The following PGAM5 variants were observed in gnomAD, a reference collection of about 807,000 sequenced individuals.
PGAM5 encodes PGAM family member 5, mitochondrial serine/threonine protein phosphatase.
Under a neutral mutation model 30.6 loss-of-function variants are expected in PGAM5, and 25 were observed. The observed-to-expected ratio is 0.82, with a 90% CI of 0.60 to 1.14. PGAM5 has a LOEUF of 1.14. Among genes scored for constraint, PGAM5 ranks in the 50% most tolerant of loss-of-function variants. The pLI is 0.00. For missense variants in PGAM5, 384 were observed against 408.5 expected (o/e 0.94, Z 0.52); for synonymous variants, 201 against 179.1 (o/e 1.12, Z -0.98).
rs754270868 is a variant in PGAM5 at position 132,718,787 on chromosome 12, G to C, written c.719+667G>C. ...CATCCCGCCGCTGTTGTCCGCTGGG[G>C]ATTTTGTGCTTCTGGGGTCCTGACC... is the stretch of plus-strand genomic sequence containing the variant. On this transcript the variant is annotated intron_variant, in intron 5 of 5. Transcript: ENST00000498926. 9.9e-6 allele frequency: 16 copies of C among 1,613,644 alleles called. No individual in the cohort carries two copies. The East Asian group carries it at 3.3e-4, about 34-fold the overall frequency.
At position 132,710,973 on chromosome 12, in the gene PGAM5, G is replaced by T; in HGVS notation, c.97G>T (p.Ala33Ser). 8.4e-7 allele frequency: 1 copy of T among 1,192,234 alleles called. No individual in the cohort carries two copies. Among genetic ancestry groups the T allele is most frequent in the Non-Finnish European group, 1.0e-6 (1 of 963,078 alleles). 73.9% of individuals were successfully genotyped at this position (1,192,234 alleles called of 1,614,324 possible). Residue 33 changes from alanine to serine, a missense_variant, in exon 1 of 6, where the codon GCA becomes TCA. By Grantham distance (99) the Ala-to-Ser change is moderately conservative (BLOSUM62 1). Transcript: ENST00000498926. ...FSAVAVGKPR[A>S]GGDAEPRPAE... Reference sequence around the variant, plus strand: ...GGCCGTGGCGGTAGGGAAGCCGCGCGCAGGCGGGGACGCGGAGCCACGCCC... The same window carrying T: ...GGCCGTGGCGGTAGGGAAGCCGCGCTCAGGCGGGGACGCGGAGCCACGCCC...
Position 132,720,791 on chromosome 12 carries a change from C to T in PGAM5, c.833C>T (p.Thr278Met), listed in dbSNP as rs1322034904. The T allele has an allele frequency of 6.5e-6, 10 of 1,536,496 alleles. No individual in the cohort carries two copies. Among genetic ancestry groups the T allele is most frequent in the East Asian group, 4.9e-5 (2 of 40,916 alleles). ...GTTGCGCTCAGGACCCTCGGGGACA[C>T]GGGGTTCATGCCTCCCGACAAGATC... ...GRVALRTLGD[T>M]GFMPPDKITR... The change falls in exon 6 of 6, where the codon ACG (threonine) becomes ATG (methionine). Residue 278 changes from threonine (T) to methionine (M), a missense_variant. Physicochemically the swap from Thr to Met is moderately conservative, Grantham distance 81. Coordinates refer to ENST00000498926, the MANE Select transcript of PGAM5 (RefSeq NM_001170543.2).
intron 1 of PGAM5, 150 bp downstream of exon 1, chr12:132,711,217 G>A (rs2043518651): frequency 3.4e-6 from 2 of 586,194 alleles, no homozygotes; most frequent in Non-Finnish European, 4.7e-6. Flanking sequence ...GCCGCTTTCC[G>A]GGGCCGCTCT....
intron 2 of PGAM5, among the ~76,000 whole-genome samples, chr12:132,716,015 G>A (rs73155102): frequency 0.015 from 2,211 of 152,240 alleles, 50 homozygotes; most frequent in African/African-American, 0.051. Flanking sequence ...GCCCTCGGCT[G>A]CTCACCTGGA....
intron 1 of PGAM5, among the ~76,000 whole-genome samples, chr12:132,712,648 G>T (rs545376894): frequency 1.3e-3 from 193 of 151,932 alleles, no homozygotes; most frequent in Admixed American, 3.4e-3. Context: ...TAGAGACGGG[G>T]TTTCTCCATG....
In PGAM5 at chr12:132,721,405, G is replaced by GGCAACATAGCGAGACCCT. The variant is rs972546564; in HGVS notation, c.*579_*596dup. 2.0e-5 allele frequency: 3 copies of GGCAACATAGCGAGACCCT among 152,356 alleles called. No homozygotes were observed. The highest frequency in any genetic ancestry group is 4.4e-5 in the Non-Finnish European group (3 of 68,092). 9.4% of individuals were successfully genotyped at this position (152,356 alleles called of 1,614,324 possible). A position where few individuals can be genotyped will look rare whatever the true frequency, so the allele number is the denominator to read the frequency against. ...AGGAGTTCAAGACCAGCCTGGACAA[G>GGCAACATAGCGAGACCCT]GCAACATAGCGAGACCCTGTCTCTA... On this transcript the variant is annotated 3_prime_UTR_variant, in exon 6 of 6. Transcript: ENST00000498926.
intron 5 of PGAM5, among the ~76,000 whole-genome samples, chr12:132,720,297 G>A (rs2043629976): frequency 6.6e-6 from 1 of 150,508 alleles, no homozygotes; most frequent in African/African-American, 2.5e-5. Flanking sequence ...AGAGTCCCCT[G>A]GCTCTAGCCC....
chr12:132,713,389 A>T (rs945486843), intron 1 of PGAM5, among the ~76,000 whole-genome samples: 1 of 152,142 alleles, frequency 6.6e-6, no homozygotes, highest in Non-Finnish European at 1.5e-5. Context: ...CCAGAGCCTC[A>T]TCTGGTGAAA....
chr12:132,715,856 G>A (rs961232842), intron 2 of PGAM5, among the ~76,000 whole-genome samples: 7 of 151,932 alleles, frequency 4.6e-5, no homozygotes, highest in Admixed American at 4.6e-4. Context: ...TCTAGCCTAG[G>A]TAACAGAGTG....
At chr12:132,720,313 G>GTT (rs758552620) in intron 5 of PGAM5, among the ~76,000 whole-genome samples, 39 of 139,028 alleles carry the variant, frequency 2.8e-4, no homozygotes, top group African/African-American at 5.5e-4. Flanking sequence ...AGCCCAGCCC[G>GTT]TTTTTTTTTT....
In PGAM5 at chr12:132,722,403, A is replaced by G. The variant is rs2043655621; in HGVS notation, c.*1575A>G. On this transcript the variant is annotated 3_prime_UTR_variant, in exon 6 of 6. Coordinates refer to ENST00000498926, the MANE Select transcript of PGAM5 (RefSeq NM_001170543.2). ...GTAGCTGGGATTATAGGCGCCCACC[A>G]CCATGCCTGGCTAATTTTTTATTTT... 1 of 151,306 alleles carries G rather than the reference A, an allele frequency of 6.6e-6. No individual in the cohort carries two copies. Among genetic ancestry groups the G allele is most frequent in the Non-Finnish European group, 1.5e-5 (1 of 67,872 alleles). 9.4% of individuals were successfully genotyped at this position (151,306 alleles called of 1,614,324 possible). A position where few individuals can be genotyped will look rare whatever the true frequency, so the allele number is the denominator to read the frequency against.
chr12:132,717,339 T>C, intron 2 of PGAM5, 100 bp from the exon 3 acceptor site: 1 of 1,100,712 alleles, frequency 9.1e-7, no homozygotes, highest in Non-Finnish European at 1.2e-6. Flanking sequence ...GGAGGGGGTG[T>C]TTGAGGGTGG....
intron 3 of PGAM5, 24 bp from the exon 4 acceptor site, chr12:132,717,686 G>A (rs2043595338): frequency 6.4e-7 from 1 of 1,565,010 alleles, no homozygotes; most frequent in South Asian, 1.2e-5. Context: ...GCCTCACCCA[G>A]CGCTTCGCTG....
At chr12:132,720,230 C>A (rs1298169271) in intron 5 of PGAM5, among the ~76,000 whole-genome samples, 1 of 151,500 alleles carries the variant, frequency 6.6e-6, no homozygotes, top group Non-Finnish European at 1.5e-5. Context: ...AGGGGCTCAG[C>A]CTCTGTTTGT....
At chr12:132,716,168 C>A (rs559075725) in intron 2 of PGAM5, among the ~76,000 whole-genome samples, 306 of 152,102 alleles carry the variant, frequency 2.0e-3, no homozygotes, top group Non-Finnish European at 3.2e-3. Context: ...CCGCTGCAAC[C>A]TTTGCCTCCT....
chr12:132,710,861 C>T lies in PGAM5; in HGVS notation c.-16C>T, dbSNP rs531327149. 5 of 1,119,832 alleles carry T rather than the reference C, an allele frequency of 4.5e-6. No individual in the cohort carries two copies. Among genetic ancestry groups the T allele is most frequent in the African/African-American group, 3.3e-5 (2 of 60,128 alleles). The allele number at this position is 1,119,832 out of a possible 1,614,324, so 69.4% of individuals were successfully genotyped here. A position where few individuals can be genotyped will look rare whatever the true frequency, so the allele number is the denominator to read the frequency against. ...GGCCGTGGGCGCCTGCGCGGGCCGGCGCGGGAGCAAGCGGCATGGCGTTCC... is the reference window on the plus strand; with the variant it reads ...GGCCGTGGGCGCCTGCGCGGGCCGGTGCGGGAGCAAGCGGCATGGCGTTCC... On this transcript the variant is annotated 5_prime_UTR_variant, in exon 1 of 6. Coordinates refer to ENST00000498926, the MANE Select transcript of PGAM5 (RefSeq NM_001170543.2).
intron 1 of PGAM5, among the ~76,000 whole-genome samples, chr12:132,712,884 G>A (rs761608628): frequency 1.4e-4 from 21 of 152,294 alleles, no homozygotes; most frequent in Non-Finnish European, 2.5e-4. Context: ...TAGGCTGGGT[G>A]CGGTGGCTCA....
rs144793277 is a variant in PGAM5, at chr12:132,714,824, G to C, written c.192-34G>C. 4.4e-4 allele frequency: 703 copies of C among 1,602,430 alleles called. 3 individuals carry two copies. The African/African-American group carries it at 8.8e-3, about 20-fold the overall frequency. On this transcript the variant is annotated intron_variant, in intron 1 of 5. Coordinates refer to ENST00000498926, the MANE Select transcript of PGAM5 (RefSeq NM_001170543.2). ...AGAAAAACTCAAACTTGGGAACAGA[G>C]GTCTCAAGGACATATCTTGTATTTC...
rs2043657619 is a variant in PGAM5 at position 132,722,610 on chromosome 12, G to C, written c.*1782G>C. ...ATATGCTGTTAATTTAGGAAAAACA[G>C]TACAATTTCTATGAAGTGGTTGTGA... On this transcript the variant is annotated 3_prime_UTR_variant, in exon 6 of 6. Transcript: ENST00000498926. 6.6e-6 allele frequency: 1 copy of C among 151,756 alleles called. No individual in the cohort carries two copies. Among genetic ancestry groups the C allele is most frequent in the Admixed American group, 6.6e-5 (1 of 15,248 alleles). 9.4% of individuals were successfully genotyped at this position (151,756 alleles called of 1,614,324 possible). A position where few individuals can be genotyped will look rare whatever the true frequency, so the allele number is the denominator to read the frequency against.
Sources: allele counts gnomAD v4.1 joint callset (sites outside exome capture counted in the v4.1 genomes callset), GRCh38; gene constraint gnomAD v4.1.1; transcripts MANE v1.5; gene names NCBI Gene and HGNC (gene_info 2026-07-23, HGNC 2026-07-21).